COLEC12: variants seen among roughly 807,000 people sequenced by gnomAD.
COLEC12 encodes collectin-12.
In COLEC12, 33 loss-of-function variants were observed where a neutral mutation model predicts 71.1. The ratio of observed to expected loss-of-function variants is 0.46; its 90% CI spans 0.35 to 0.62. COLEC12 has a LOEUF of 0.62. COLEC12 is among the 20% of genes least tolerant of loss of function. The pLI is 0.00. For missense variants in COLEC12, 765 were observed against 916.1 expected, an observed-to-expected ratio of 0.84 and a Z score of 2.13; for synonymous variants, 350 against 353.0, an observed-to-expected ratio of 0.99 and a Z score of 0.10.
intron 1 of COLEC12, among the ~76,000 whole-genome samples, chr18:490,970 C>A (rs1256070154): frequency 1.3e-5 from 2 of 152,234 alleles, no homozygotes; most frequent in Non-Finnish European, 2.9e-5. Context: ...CCATTCCCAG[C>A]TCTTGTACAT....
In COLEC12 at chr18:406,378, G is replaced by A. The variant is rs370357886; in HGVS notation, c.59-48856C>T. Among the ~76,000 whole-genome samples, 8 of 151,546 alleles carry A rather than the reference G, an allele frequency of 5.3e-5. No individual in the cohort carries two copies. The East Asian group carries it at 9.7e-4, about 18-fold the overall frequency. On this transcript the variant is annotated intron_variant, in intron 2 of 9. Transcript: ENST00000400256. ...CAAAAAATTAGCCAGGCGCGGTGGC[G>A]GGCGCCTGTAGTCCCAGCTACTCGG...
chr18:331,646 C>G, intron 8 of COLEC12, 22 bp downstream of exon 8: 8 of 1,469,662 alleles, frequency 5.4e-6, no homozygotes, highest in Non-Finnish European at 7.6e-6. Flanking sequence ...GACCACCAAT[C>G]TGGAAGCTTC....
intron 2 of COLEC12, among the ~76,000 whole-genome samples, chr18:450,354 A>C (rs1287524657): frequency 6.6e-6 from 1 of 152,198 alleles, no homozygotes; most frequent in Non-Finnish European, 1.5e-5. Context: ...TCATAAGGGC[A>C]GAGCTCTCAT....
rs759736009 is a variant in COLEC12, at chr18:347,143, T to A, written c.479A>T (p.Asn160Ile). Residue 160 changes from asparagine (N) to isoleucine (I), a missense_variant, in exon 5 of 10, where the codon AAC (asparagine) becomes ATC (isoleucine). Transcript: ENST00000400256. ...QSQLKETLEN[N>I]SFLITTVNKT... The stretch of plus-strand genomic sequence containing the variant: ...GTTTACAGTGGTGATGAGGAAAGAG[T>A]TATTCTCCAAAGTTTCTTTCAATTG... 8.7e-6 allele frequency: 14 copies of A among 1,614,062 alleles called. No homozygotes were observed. In the East Asian group the frequency reaches 3.1e-4, roughly 36 times the overall value.
intron 2 of COLEC12, among the ~76,000 whole-genome samples, chr18:455,649 C>T (rs12969969): frequency 0.32 from 48,863 of 151,130 alleles, 7,946 homozygotes; most frequent in African/African-American, 0.36. Context: ...CTCCCTTTGC[C>T]CCCCCCTCCC....
At chr18:366,895 T>G (rs1246627240) in intron 2 of COLEC12, among the ~76,000 whole-genome samples, 1 of 152,122 alleles carries the variant, frequency 6.6e-6, no homozygotes, top group Non-Finnish European at 1.5e-5. Flanking sequence ...ACACTGACAC[T>G]GATGAGAGCC....
intron 2 of COLEC12, among the ~76,000 whole-genome samples, chr18:365,616 C>A (rs1914837810): frequency 6.6e-6 from 1 of 151,926 alleles, no homozygotes; most frequent in African/African-American, 2.4e-5. Context: ...AAGACAGAGG[C>A]AAGGAAGAAG....
chr18:454,676 C>CT (rs1258343310), intron 2 of COLEC12, among the ~76,000 whole-genome samples: 3 of 152,184 alleles, frequency 2.0e-5, no homozygotes, highest in African/African-American at 7.2e-5. Flanking sequence ...AAGTGAGACT[C>CT]TGTCTCCAAA....
Position 334,736 on chromosome 18 carries a change from A to G in COLEC12, c.1816+6T>C. On this transcript the variant is annotated splice_donor_region_variant and intron_variant, in intron 6 of 9. Coordinates refer to ENST00000400256, the MANE Select transcript of COLEC12 (RefSeq NM_130386.3). ...CCCCCTGGCTGGAGGGAGGGCTTGG[A>G]CTTACCATTGTCCTCCGGTGCTGGG... The G allele has an allele frequency of 6.8e-7, 1 of 1,465,434 alleles. No homozygotes were observed. The allele number at this position is 1,465,434 out of a possible 1,614,324, so 90.8% of individuals were successfully genotyped here.
At chr18:416,587 G>A (rs1915990121) in intron 2 of COLEC12, among the ~76,000 whole-genome samples, 1 of 152,058 alleles carries the variant, frequency 6.6e-6, no homozygotes, top group African/African-American at 2.4e-5. Context: ...TTATGAGCAA[G>A]AGGTAACTCC....
At chr18:476,267 T>C (rs1567919778) in intron 2 of COLEC12, among the ~76,000 whole-genome samples, 2 of 152,252 alleles carry the variant, frequency 1.3e-5, no homozygotes, top group Admixed American at 6.5e-5. Context: ...CCTTTTACTT[T>C]CTTGTTACTG....
chr18:343,146 C>A (rs1914294775), intron 5 of COLEC12, among the ~76,000 whole-genome samples: 1 of 152,190 alleles, frequency 6.6e-6, no homozygotes, highest in African/African-American at 2.4e-5. Context: ...GTCTACATCA[C>A]CCCCAATCCC....
chr18:402,631 T>C (rs1238962233), intron 2 of COLEC12, among the ~76,000 whole-genome samples: 2 of 152,154 alleles, frequency 1.3e-5, no homozygotes, highest in Non-Finnish European at 2.9e-5. Context: ...TCTTCCCTTG[T>C]GAAGTGTTTC....
At chr18:382,729 A>G (rs970028117) in intron 2 of COLEC12, among the ~76,000 whole-genome samples, 3 of 152,140 alleles carry the variant, frequency 2.0e-5, no homozygotes, top group Admixed American at 6.6e-5. Context: ...TAGGTGGCAC[A>G]AAGTGGGCCA....
intron 2 of COLEC12, among the ~76,000 whole-genome samples, chr18:378,512 C>A (rs1320416842): frequency 6.6e-6 from 1 of 152,120 alleles, no homozygotes; most frequent in East Asian, 1.9e-4. Flanking sequence ...ACACAGAGGC[C>A]CACAGGGTGT....
intron 2 of COLEC12, among the ~76,000 whole-genome samples, chr18:382,667 T>C (rs1387083697): frequency 6.6e-6 from 1 of 152,208 alleles, no homozygotes; most frequent in Non-Finnish European, 1.5e-5. Flanking sequence ...AGCCACATTA[T>C]AGGATTATTG....
At chr18:325,969 T>G (rs1181067880) in intron 8 of COLEC12, among the ~76,000 whole-genome samples, 1 of 152,204 alleles carries the variant, frequency 6.6e-6, no homozygotes, top group Non-Finnish European at 1.5e-5. Context: ...TATAGATCCT[T>G]TCTACTGTTG....
chr18:463,331 G>A (rs2143738007), intron 2 of COLEC12, among the ~76,000 whole-genome samples: 1 of 152,286 alleles, frequency 6.6e-6, no homozygotes, highest in South Asian at 2.1e-4. Flanking sequence ...GCACACGGGT[G>A]AAGCCATAGT....
In COLEC12 at chr18:431,175, T is replaced by C. The variant is rs529670404; in HGVS notation, c.58+49532A>G. Among the ~76,000 whole-genome samples, 8 of 151,914 alleles carry C rather than the reference T, an allele frequency of 5.3e-5. No homozygotes were observed. The South Asian group carries it at 1.2e-3, about 24-fold the overall frequency. On this transcript the variant is annotated intron_variant, in intron 2 of 9. Coordinates refer to ENST00000400256, the MANE Select transcript of COLEC12 (RefSeq NM_130386.3). ...CCACACTCAGCTAATTTTTTTTTTTTTTCCTTTGGTAGAGACGAGGTCTTG... is the reference window on the plus strand; with the variant it reads ...CCACACTCAGCTAATTTTTTTTTTTCTTCCTTTGGTAGAGACGAGGTCTTG...
Sources: gnomAD v4.1 joint callset for allele counts (sites outside exome capture counted in the v4.1 genomes callset) on GRCh38, gnomAD v4.1.1 for gene constraint, MANE v1.5 for transcripts, NCBI Gene and HGNC (gene_info 2026-07-23, HGNC 2026-07-21) for gene names.